The following SSH2 variants were observed in gnomAD, a reference collection of about 807,000 sequenced individuals.
SSH2 encodes protein phosphatase Slingshot homolog 2.
In SSH2, 37 loss-of-function variants were observed where a neutral mutation model predicts 135.2. The ratio of observed to expected loss-of-function variants is 0.27; its 90% CI spans 0.21 to 0.36. The LOEUF is 0.36. SSH2 is among the 10% of genes least tolerant of loss of function. SSH2 has a pLI of 1.00. For synonymous variants in SSH2, 628 were observed against 646.2 expected, an observed-to-expected ratio of 0.97 and a Z score of 0.43; for missense variants, 1,408 against 1,765.3, an observed-to-expected ratio of 0.80 and a Z score of 3.63.
At chr17:29,657,583 T>TTTTG (rs1335931697) in intron 11 of SSH2, among the ~76,000 whole-genome samples, 3 of 142,446 alleles carry the variant, frequency 2.1e-5, no homozygotes, top group Non-Finnish European at 4.6e-5. Flanking sequence ...TGTTTTTTTT[T>TTTTG]TTTTTTTTTT....
intron 2 of SSH2, among the ~76,000 whole-genome samples, chr17:29,835,875 C>T (rs950284588): frequency 1.2e-4 from 18 of 149,942 alleles, no homozygotes; most frequent in Admixed American, 4.7e-4. Context: ...AGGAGAATGG[C>T]GTGAACCCAG....
intron 3 of SSH2, among the ~76,000 whole-genome samples, chr17:29,757,883 C>T (rs1458964433): frequency 6.6e-6 from 1 of 151,092 alleles, no homozygotes. Context: ...GAGACTTGGT[C>T]TCAAAAAAAA....
intron 3 of SSH2, among the ~76,000 whole-genome samples, chr17:29,771,454 C>A (rs1273457020): frequency 6.6e-6 from 1 of 152,184 alleles, no homozygotes; most frequent in Non-Finnish European, 1.5e-5. Context: ...ACACATTATG[C>A]TCTAGTAAAT....
At chr17:29,841,588 CTT>C (rs1483582485) in intron 2 of SSH2, among the ~76,000 whole-genome samples, 2 of 152,330 alleles carry the variant, frequency 1.3e-5, no homozygotes, top group South Asian at 4.1e-4. Flanking sequence ...ACAGCCAACT[CTT>C]AAAAAATTGT....
chr17:29,663,305 CAAGAT>C (rs767736545), intron 11 of SSH2, among the ~76,000 whole-genome samples: 1 of 152,220 alleles, frequency 6.6e-6, no homozygotes, highest in Non-Finnish European at 1.5e-5. Flanking sequence ...GGCAGCTATG[CAAGAT>C]GAGATGACTC....
chr17:29,681,207 C>T (rs960221332), intron 6 of SSH2, among the ~76,000 whole-genome samples: 20 of 151,106 alleles, frequency 1.3e-4, no homozygotes, highest in African/African-American at 1.2e-4. Context: ...TGGTGGTGTG[C>T]GCCTGTAGTC....
intron 2 of SSH2, among the ~76,000 whole-genome samples, chr17:29,804,480 T>C (rs1158741904): frequency 1.3e-5 from 2 of 152,198 alleles, no homozygotes; most frequent in African/African-American, 2.4e-5. Context: ...CAATGCCCTA[T>C]AGAAAAATCT....
intron 1 of SSH2, among the ~76,000 whole-genome samples, chr17:29,882,745 C>T (rs2066162495): frequency 6.6e-6 from 1 of 152,144 alleles, no homozygotes; most frequent in Non-Finnish European, 1.5e-5. Context: ...GAGCAAAACT[C>T]CATCTCAAAA....
intron 1 of SSH2, among the ~76,000 whole-genome samples, chr17:29,897,447 C>A (rs188024573): frequency 2.1e-3 from 325 of 151,994 alleles, no homozygotes; most frequent in Middle Eastern, 6.8e-3. Context: ...ATCTACCAAG[C>A]AAATGGAAAA....
At position 29,793,901 on chromosome 17, in the gene SSH2, G is replaced by A; in HGVS notation, c.181C>T (p.Pro61Ser). ...DSGEEECRSQ[P>S]RSISESFLTV... ...TATAATGAACAAACATACCTCCTGGGCTGTGACCGGCATTCTTCCTCCCCA... is the reference window on the plus strand; with the variant it reads ...TATAATGAACAAACATACCTCCTGGACTGTGACCGGCATTCTTCCTCCCCA... The change falls in exon 3 of 16, where the codon CCC (proline) becomes TCC (serine). Residue 61 changes from proline (P) to serine (S), a missense_variant. Coordinates refer to ENST00000540801, the MANE Select transcript of SSH2 (RefSeq NM_001282129.2). 1 of 1,613,000 alleles carries A rather than the reference G, an allele frequency of 6.2e-7. No homozygotes were observed. The highest frequency in any genetic ancestry group is 8.5e-7 in the Non-Finnish European group (1 of 1,179,254).
At chr17:29,745,434 A>G (rs1159230574) in intron 3 of SSH2, among the ~76,000 whole-genome samples, 1 of 152,212 alleles carries the variant, frequency 6.6e-6, no homozygotes. Context: ...TGCTGGGATT[A>G]CAGGCGTGAG....
chr17:29,749,748 G>C (rs1053149169), intron 3 of SSH2, among the ~76,000 whole-genome samples: 9 of 152,152 alleles, frequency 5.9e-5, no homozygotes, highest in African/African-American at 2.2e-4. Flanking sequence ...TGTTTTTTGA[G>C]ATGGAGTCTT....
intron 3 of SSH2, among the ~76,000 whole-genome samples, chr17:29,721,944 T>C (rs185719017): frequency 9.7e-4 from 148 of 152,318 alleles, no homozygotes; most frequent in Non-Finnish European, 1.7e-3. Context: ...TAAATGAGAC[T>C]GTCCTTGGGT....
chr17:29,656,500 A>G (rs1387275259), intron 11 of SSH2, among the ~76,000 whole-genome samples: 1 of 152,154 alleles, frequency 6.6e-6, no homozygotes, highest in Non-Finnish European at 1.5e-5. Flanking sequence ...TAGTGCATTA[A>G]GTTGCATCTA....
At chr17:29,680,927 A>G (rs1408860573) in intron 6 of SSH2, among the ~76,000 whole-genome samples, 1 of 152,188 alleles carries the variant, frequency 6.6e-6, no homozygotes, top group Non-Finnish European at 1.5e-5. Context: ...CAGAAGCTGC[A>G]AAAGAGTGTG....
intron 1 of SSH2, among the ~76,000 whole-genome samples, chr17:29,853,784 G>A (rs2065610710): frequency 1.3e-5 from 2 of 151,724 alleles, no homozygotes; most frequent in South Asian, 4.2e-4. Context: ...AAGACTGTAT[G>A]AGAGATAACA....
At chr17:29,857,519 T>G (rs2065684129) in intron 1 of SSH2, among the ~76,000 whole-genome samples, 1 of 151,976 alleles carries the variant, frequency 6.6e-6, no homozygotes, top group Non-Finnish European at 1.5e-5. Context: ...TGAGACAGAG[T>G]CTTGCTGTCA....
intron 1 of SSH2, among the ~76,000 whole-genome samples, chr17:29,865,757 CT>C (rs1249156702): frequency 2.6e-5 from 4 of 152,114 alleles, no homozygotes; most frequent in African/African-American, 9.7e-5. Context: ...AAATTAGTGT[CT>C]TCTAAAGACT....
At chr17:29,792,487 C>A (rs556903532) in intron 3 of SSH2, among the ~76,000 whole-genome samples, 1 of 152,228 alleles carries the variant, frequency 6.6e-6, no homozygotes, top group East Asian at 1.9e-4. Flanking sequence ...AAGGACACTT[C>A]TCTTTGCTAA....
Sources: gnomAD v4.1 joint callset for allele counts (sites outside exome capture counted in the v4.1 genomes callset) on GRCh38, gnomAD v4.1.1 for gene constraint, MANE v1.5 for transcripts, NCBI Gene and HGNC (gene_info 2026-07-23, HGNC 2026-07-21) for gene names.